BLTP3B: variants seen among roughly 807,000 people sequenced by gnomAD.
The protein encoded by BLTP3B is UHRF1 (ICBP90) binding protein 1-like.
the BLTP3B span, among the ~76,000 whole-genome samples, chr12:100,115,370 C>T: frequency 6.6e-6 from 1 of 152,312 alleles, no homozygotes; most frequent in African/African-American, 2.4e-5. Flanking sequence ...CACACCACCA[C>T]ACTCCAGCCT....
chr12:100,137,140 T>C, the BLTP3B span, among the ~76,000 whole-genome samples: 1 of 152,214 alleles, frequency 6.6e-6, no homozygotes. Context: ...CCAGATCTAC[T>C]TCACTTCTAA....
At chr12:100,068,878 C>T in the BLTP3B span, among the ~76,000 whole-genome samples, 1 of 152,258 alleles carries the variant, frequency 6.6e-6, no homozygotes, top group African/African-American at 2.4e-5. Context: ...GAGAATACTT[C>T]CACACCGCTG....
At chr12:100,048,181 G>T in the BLTP3B span, 1 of 1,592,068 alleles carries the variant, frequency 6.3e-7, no homozygotes, top group Non-Finnish European at 8.5e-7. Flanking sequence ...ATGAATTACA[G>T]CTTTCTGATC....
chr12:100,045,998 C>T, the BLTP3B span, among the ~76,000 whole-genome samples: 3 of 152,220 alleles, frequency 2.0e-5, no homozygotes, highest in African/African-American at 7.2e-5. Context: ...CTGGTCATCA[C>T]AGAAATGCAA....
At chr12:100,120,250 C>G in the BLTP3B span, among the ~76,000 whole-genome samples, 3 of 152,100 alleles carry the variant, frequency 2.0e-5, no homozygotes, top group Non-Finnish European at 4.4e-5. Flanking sequence ...GAGACAGGCG[C>G]CTGTAATCCC....
At chr12:100,125,528 G>A in the BLTP3B span, among the ~76,000 whole-genome samples, 4 of 151,968 alleles carry the variant, frequency 2.6e-5, no homozygotes, top group Admixed American at 1.3e-4. Flanking sequence ...TGTACCTGTG[G>A]TCTCAACTAC....
chr12:100,085,615 C>G, the BLTP3B span, among the ~76,000 whole-genome samples: 2 of 152,030 alleles, frequency 1.3e-5, no homozygotes, highest in Admixed American at 6.6e-5. Flanking sequence ...AATGTGTGAA[C>G]AGAAAAACTT....
At chr12:100,042,623 C>G in the BLTP3B span, among the ~76,000 whole-genome samples, 3 of 152,254 alleles carry the variant, frequency 2.0e-5, no homozygotes, top group East Asian at 3.9e-4. Context: ...ACAGGACATC[C>G]AAAGCACAGG....
the BLTP3B span, among the ~76,000 whole-genome samples, chr12:100,081,534 C>T: frequency 0.011 from 1,622 of 152,232 alleles, 39 homozygotes; most frequent in African/African-American, 0.036. Context: ...GCATAGTACC[C>T]GTTAAGTAGT....
At chr12:100,096,090 T>TA in the BLTP3B span, among the ~76,000 whole-genome samples, 1 of 151,972 alleles carries the variant, frequency 6.6e-6, no homozygotes, top group African/African-American at 2.4e-5. Flanking sequence ...CTGTCGCTAC[T>TA]AAAAATACAA....
the BLTP3B span, chr12:100,086,337 C>G: frequency 6.4e-7 from 1 of 1,561,290 alleles, no homozygotes; most frequent in Non-Finnish European, 8.7e-7. Context: ...CATTGCCCCT[C>G]CAGTAATACG....
the BLTP3B span, chr12:100,037,762 T>C: frequency 1.9e-6 from 3 of 1,588,302 alleles, no homozygotes; most frequent in Non-Finnish European, 1.7e-6. Flanking sequence ...TGAGCTGAAA[T>C]GATAAATGGC....
At chr12:100,037,608 A>G in the BLTP3B span, 15 of 1,606,214 alleles carry the variant, frequency 9.3e-6, no homozygotes, top group South Asian at 1.1e-5. Context: ...CTCCAGAGCT[A>G]TAATTTCAGT....
At chr12:100,087,882 T>C in the BLTP3B span, among the ~76,000 whole-genome samples, 3 of 152,354 alleles carry the variant, frequency 2.0e-5, no homozygotes, top group East Asian at 5.8e-4. Context: ...GTTTGGTTTG[T>C]TCTAACTTTT....
At chr12:100,061,440 G>A in the BLTP3B span, among the ~76,000 whole-genome samples, 12 of 152,046 alleles carry the variant, frequency 7.9e-5, no homozygotes, top group African/African-American at 2.4e-4. Context: ...GGTGGATCAC[G>A]AGGTCAGGAG....
chr12:100,047,735 T>TA, the BLTP3B span: 287 of 1,081,794 alleles, frequency 2.7e-4, no homozygotes, highest in Non-Finnish European at 3.3e-4. Flanking sequence ...TTTCAGCTGA[T>TA]ATAGCGAGAA....
chr12:100,084,613 G>C, the BLTP3B span: 5 of 1,613,648 alleles, frequency 3.1e-6, no homozygotes, highest in Non-Finnish European at 3.4e-6. Flanking sequence ...TCCATTTTTT[G>C]TTTTGGTTGC....
the BLTP3B span, among the ~76,000 whole-genome samples, chr12:100,101,165 T>C: frequency 6.6e-6 from 1 of 152,334 alleles, no homozygotes; most frequent in East Asian, 1.9e-4. Flanking sequence ...AGGATGATGC[T>C]ACATTACAAA....
the BLTP3B span, chr12:100,059,858 T>G: frequency 1.2e-6 from 2 of 1,610,440 alleles, no homozygotes; most frequent in South Asian, 1.1e-5. Flanking sequence ...ACCTTTAGCA[T>G]TAAGCCATCA....
Sources: allele counts gnomAD v4.1 joint callset (sites outside exome capture counted in the v4.1 genomes callset), GRCh38; gene constraint gnomAD v4.1.1; transcripts MANE v1.5; gene names NCBI Gene and HGNC (gene_info 2026-07-23, HGNC 2026-07-21).